Variants in TEX15 observed in about 807,000 individuals in gnomAD.
TEX15 encodes the protein testis expressed 15, meiosis and synapsis associated, also known as testis-expressed protein 15.
In TEX15, 171 loss-of-function variants were observed where a neutral mutation model predicts 237.3. That is an observed-to-expected ratio of 0.72 (90% CI 0.64 to 0.82). The LOEUF is 0.82. TEX15 is among the 40% of genes least tolerant of loss of function. TEX15 has a pLI of 0.00. For synonymous variants in TEX15, 1,338 were observed against 1,269.8 expected (o/e 1.05, Z -1.14); for missense variants, 3,750 against 3,646.5 (o/e 1.03, Z -0.73).
chr8:30,855,372 AG>A (rs914570273), intron 7 of TEX15, among the ~76,000 whole-genome samples: 1 of 152,224 alleles, frequency 6.6e-6, no homozygotes, highest in African/African-American at 2.4e-5. Context: ...GCTTAACAAA[AG>A]AAGTGCAAAA....
At chr8:30,859,602 T>C (rs984288448) in intron 6 of TEX15, among the ~76,000 whole-genome samples, 2 of 152,162 alleles carry the variant, frequency 1.3e-5, no homozygotes, top group African/African-American at 4.8e-5. Context: ...TGCATTATTA[T>C]TAAGTATGGT....
Position 30,842,467 on chromosome 8 carries a change from T to C in TEX15, c.7700A>G (p.Asp2567Gly). ...TATGGATGCTATATATGGCACAAAG[T>C]CAATATATGTGGAAATAAAATACTT... ...KSKYFISTYI[D>G]FVPYIASINY... is the part of the protein sequence containing the mutation. The change falls in exon 8 of 11, where the codon GAC becomes GGC. Residue 2567 changes from aspartate (D) to glycine (G), a missense_variant. Transcript: ENST00000643185. The C allele has an allele frequency of 6.2e-7, 1 of 1,613,214 alleles. No individual in the cohort carries two copies. The highest frequency in any genetic ancestry group is 8.5e-7 in the Non-Finnish European group (1 of 1,179,676).
chr8:30,888,559 G>A, intron 2 of TEX15: 2 of 1,177,056 alleles, frequency 1.7e-6, no homozygotes, highest in Non-Finnish European at 2.3e-6. Context: ...TCTTTAAGTA[G>A]AACTCAAGCT....
At chr8:30,895,758 G>A (rs546334646) in intron 2 of TEX15, among the ~76,000 whole-genome samples, 1 of 129,890 alleles carries the variant, frequency 7.7e-6, no homozygotes, top group Admixed American at 9.9e-5. Context: ...TCGGCTCACT[G>A]TAACCTCTGC....
At chr8:30,856,771 T>C (rs890096190) in intron 7 of TEX15, among the ~76,000 whole-genome samples, 2 of 152,054 alleles carry the variant, frequency 1.3e-5, no homozygotes, top group Admixed American at 1.3e-4. Flanking sequence ...AATTATAAAA[T>C]TGAAATACGT....
At chr8:30,881,481 C>A (rs772571815) in intron 3 of TEX15, among the ~76,000 whole-genome samples, 1 of 151,978 alleles carries the variant, frequency 6.6e-6, no homozygotes, top group Non-Finnish European at 1.5e-5. Flanking sequence ...TAACCCATTT[C>A]ATTCTTGATA....
rs200727757 is a variant in TEX15, at chr8:30,859,230, TATG to T, written c.688-403_688-401del. On this transcript the variant is annotated intron_variant, in intron 6 of 10. Coordinates refer to ENST00000643185, the MANE Select transcript of TEX15 (RefSeq NM_001350162.2). ...AAGATTTATCTTCATTTAATCATAA[TATG>T]ATTATATATAATCCATATATAATTT... Among the ~76,000 whole-genome samples the T allele has an allele frequency of 9.9e-5, 15 of 152,044 alleles. No homozygotes were observed. The East Asian group carries it at 2.9e-3, about 29-fold the overall frequency.
At position 30,842,692 on chromosome 8, in the gene TEX15, A is replaced by AT. The variant is rs1449428141; in HGVS notation, c.7474dup (p.Met2492AsnfsTer8). 2 of 1,613,080 alleles carry AT rather than the reference A, an allele frequency of 1.2e-6. No individual in the cohort carries two copies. The highest frequency in any genetic ancestry group is 1.1e-5 in the South Asian group (1 of 91,054). On this transcript the variant is annotated frameshift_variant, in exon 8 of 11. Transcript: ENST00000643185. LOFTEE classifies it high-confidence loss of function. Reference sequence around the variant, plus strand: ...ATCTTTAAGAAATGAAAAAGAAGCCATTTTTTCTTGGCACTGAACCAGCTC... The same window carrying AT: ...ATCTTTAAGAAATGAAAAAGAAGCCATTTTTTTCTTGGCACTGAACCAGCTC...
intron 1 of TEX15, among the ~76,000 whole-genome samples, chr8:30,901,769 A>G (rs1208730133): frequency 6.6e-6 from 1 of 152,202 alleles, no homozygotes; most frequent in Non-Finnish European, 1.5e-5. Context: ...GGAAGTTTTC[A>G]AAGTCTGAAA....
At chr8:30,898,493 T>C (rs1312208566) in intron 2 of TEX15, among the ~76,000 whole-genome samples, 1 of 152,168 alleles carries the variant, frequency 6.6e-6, no homozygotes, top group African/African-American at 2.4e-5. Context: ...AAAATAAATT[T>C]ATGTTGTTTA....
chr8:30,908,948 T>C (rs1809163714), intron 1 of TEX15, among the ~76,000 whole-genome samples: 1 of 152,174 alleles, frequency 6.6e-6, no homozygotes, highest in South Asian at 2.1e-4. Flanking sequence ...AAAAATGCCA[T>C]TTCCGCATTC....
Position 30,881,610 on chromosome 8 carries a change from C to CTTTTTTTTTT in TEX15, c.136+5556_136+5557insAAAAAAAAAA. Reference sequence around the variant, plus strand: ...TTCATTAATTATCCTTCCATCTTGACTTTTTATTTTTTTTTATTATTTTTT... The same window carrying CTTTTTTTTTT: ...TTCATTAATTATCCTTCCATCTTGACTTTTTTTTTTTTTTTATTTTTTTTTATTATTTTTT... On this transcript the variant is annotated intron_variant, in intron 3 of 10. Transcript: ENST00000643185. Among the ~76,000 whole-genome samples, 135 of 109,414 alleles carry CTTTTTTTTTT rather than the reference C, an allele frequency of 1.2e-3. 22 individuals carry two copies. Among genetic ancestry groups the CTTTTTTTTTT allele is most frequent in the Middle Eastern group, 8.2e-3 (2 of 244 alleles). The allele number at this position is 109,414 out of a possible 152,430, so 71.8% of individuals were successfully genotyped here.
chr8:30,886,376 C>T (rs1808645776), intron 3 of TEX15, among the ~76,000 whole-genome samples: 1 of 152,202 alleles, frequency 6.6e-6, no homozygotes, highest in African/African-American at 2.4e-5. Flanking sequence ...CACTCATCCT[C>T]CACCAACACT....
intron 2 of TEX15, among the ~76,000 whole-genome samples, chr8:30,894,987 G>A (rs952391138): frequency 2.0e-5 from 3 of 152,084 alleles, no homozygotes; most frequent in East Asian, 1.9e-4. Context: ...CCTTGATCTT[G>A]GATTCCCCAG....
At chr8:30,908,362 T>C (rs148344978) in intron 1 of TEX15, among the ~76,000 whole-genome samples, 10 of 152,324 alleles carry the variant, frequency 6.6e-5, no homozygotes, top group Admixed American at 5.9e-4. Flanking sequence ...GCTGGCATGC[T>C]TTCTCCCTTT....
rs1807183801 is a variant in TEX15 at position 30,831,743 on chromosome 8, G to A, written c.*1543C>T. On this transcript the variant is annotated 3_prime_UTR_variant, in exon 11 of 11. Transcript: ENST00000643185. Reference sequence around the variant, plus strand: ...TATTTAACTTTTGGTTTACATATTAGTAGTAGTATTAACTATAAATGCTGT... The same window carrying A: ...TATTTAACTTTTGGTTTACATATTAATAGTAGTATTAACTATAAATGCTGT... 1.3e-5 allele frequency: 2 copies of A among 152,198 alleles called. No homozygotes were observed. The highest frequency in any genetic ancestry group is 1.3e-4 in the Admixed American group (2 of 15,280). The allele number at this position is 152,198 out of a possible 1,614,324, so 9.4% of individuals were successfully genotyped here. A position where few individuals can be genotyped will look rare whatever the true frequency, so the allele number is the denominator to read the frequency against.
intron 3 of TEX15, among the ~76,000 whole-genome samples, chr8:30,879,761 C>T (rs1563265772): frequency 6.6e-6 from 1 of 151,836 alleles, no homozygotes; most frequent in Non-Finnish European, 1.5e-5. Flanking sequence ...AGTTTCTTTG[C>T]CTTCCCAGGT....
chr8:30,869,534 C>T (rs987733476), intron 4 of TEX15, among the ~76,000 whole-genome samples: 1 of 152,036 alleles, frequency 6.6e-6, no homozygotes, highest in Admixed American at 6.6e-5. Flanking sequence ...ACTAACTCCC[C>T]CCAAATTTGC....
rs754035599 is a variant in TEX15 at position 30,847,507 on chromosome 8, T to C, written c.2660A>G (p.Lys887Arg). The change falls in exon 8 of 11, where the codon AAG (lysine) becomes AGG (arginine). Residue 887 changes from lysine to arginine, a missense_variant. Lys to Arg is a conservative substitution (Grantham distance 26). Coordinates refer to ENST00000643185, the MANE Select transcript of TEX15 (RefSeq NM_001350162.2). ...ATTTTCGTTTGTATGAGAATCCTGCTTTTTGTCTCCATATATGTTCTCTAT... is the reference window on the plus strand; with the variant it reads ...ATTTTCGTTTGTATGAGAATCCTGCCTTTTGTCTCCATATATGTTCTCTAT... ...NNIENIYGDKKQDSHTNENFS... is the reference protein window; with the variant it reads ...NNIENIYGDKRQDSHTNENFS... The C allele has an allele frequency of 1.7e-5, 27 of 1,613,474 alleles. No individual in the cohort carries two copies. The highest frequency in any genetic ancestry group is 2.3e-5 in the Non-Finnish European group (27 of 1,179,868).
Sources: gnomAD v4.1 joint callset for allele counts (sites outside exome capture counted in the v4.1 genomes callset) on GRCh38, gnomAD v4.1.1 for gene constraint, MANE v1.5 for transcripts, NCBI Gene and HGNC (gene_info 2026-07-23, HGNC 2026-07-21) for gene names.